Variants in FLT3LG observed in about 807,000 individuals in gnomAD.
The protein encoded by FLT3LG is fms related receptor tyrosine kinase 3 ligand.
Under a neutral mutation model 30.9 loss-of-function variants are expected in FLT3LG, and 8 were observed. The observed-to-expected ratio is 0.26, with a 90% CI of 0.15 to 0.47. FLT3LG has a LOEUF of 0.47. Among genes scored for constraint, FLT3LG ranks in the 20% least tolerant of loss-of-function variants. The probability of loss-of-function intolerance (pLI) is 0.99; values close to 1 mark genes in which losing one functional copy is unlikely to be tolerated. For synonymous variants in FLT3LG, 123 were observed against 135.9 expected, an observed-to-expected ratio of 0.91 and a Z score of 0.66; for missense variants, 278 against 306.2, an observed-to-expected ratio of 0.91 and a Z score of 0.69.
intron 8 of FLT3LG, 54 bp downstream of exon 8, chr19:49,480,674 G>A: frequency 6.5e-7 from 1 of 1,531,748 alleles, no homozygotes; most frequent in Non-Finnish European, 8.9e-7. Flanking sequence ...GGTTGGGAGG[G>A]TCACTAGGAG....
At chr19:49,485,524 G>A (rs964217588) in intron 8 of FLT3LG, among the ~76,000 whole-genome samples, 4 of 152,080 alleles carry the variant, frequency 2.6e-5, no homozygotes, top group African/African-American at 9.7e-5. Context: ...CGCCTCCCGG[G>A]TTCAAGCAAT....
rs185216186 is a variant in FLT3LG at position 49,479,866 on chromosome 19, G to A, written c.482-432G>A. 8.7e-3 allele frequency: 1,367 copies of A among 156,438 alleles called. 11 individuals are homozygous for A. The highest frequency in any genetic ancestry group is 0.014 in the Non-Finnish European group (1,005 of 71,200). The allele number at this position is 156,438 out of a possible 1,614,324, so 9.7% of individuals were successfully genotyped here. On this transcript the variant is annotated intron_variant, in intron 6 of 8. Transcript: ENST00000597551. Reference sequence around the variant, plus strand: ...GTCGCCCAGGCTGGAGTGCAGTGGCGCAATCTTGGCTCACTGCAACCTCCA... The same window carrying A: ...GTCGCCCAGGCTGGAGTGCAGTGGCACAATCTTGGCTCACTGCAACCTCCA...
chr19:49,474,937 T>G (rs1449444357), intron 2 of FLT3LG, among the ~76,000 whole-genome samples: 89 of 43,088 alleles, frequency 2.1e-3, no homozygotes, highest in African/African-American at 4.2e-3. Flanking sequence ...AGCGGGGAGA[T>G]GGACAGAGGA....
At chr19:49,482,123 G>A (rs2079635345) in intron 8 of FLT3LG, 2 of 150,864 alleles carry the variant, frequency 1.3e-5, no homozygotes, top group Admixed American at 1.3e-4. Flanking sequence ...TTTGACTTCA[G>A]GTTGTCTTTT....
chr19:49,485,239 CT>C (rs960350633), intron 8 of FLT3LG, among the ~76,000 whole-genome samples: 6 of 140,862 alleles, frequency 4.3e-5, no homozygotes, highest in South Asian at 2.2e-4. Flanking sequence ...GTTTCTTTTT[CT>C]TTTTTTTCTT....
At chr19:49,480,676 C>A in intron 8 of FLT3LG, 56 bp downstream of exon 8, 1 of 1,524,860 alleles carries the variant, frequency 6.6e-7, no homozygotes, top group Non-Finnish European at 8.9e-7. Flanking sequence ...TTGGGAGGGT[C>A]ACTAGGAGGC....
intron 1 of FLT3LG, 90 bp from the exon 2 acceptor site, chr19:49,474,513 G>T: frequency 1.1e-6 from 1 of 911,240 alleles, no homozygotes; most frequent in Non-Finnish European, 1.7e-6. Flanking sequence ...CCACATCAAT[G>T]GGACGCGGGA....
intron 2 of FLT3LG, among the ~76,000 whole-genome samples, chr19:49,475,417 A>AGGT (rs1360679008): frequency 1.6e-5 from 2 of 126,980 alleles, no homozygotes; most frequent in East Asian, 4.7e-4. Context: ...CGTGAAGATG[A>AGGT]GGTGGTTGGA....
At chr19:49,477,985 G>T (rs1193215733) in intron 5 of FLT3LG, among the ~76,000 whole-genome samples, 1 of 151,864 alleles carries the variant, frequency 6.6e-6, no homozygotes, top group Non-Finnish European at 1.5e-5. Context: ...AGAAGTTGCA[G>T]TAAGCCGAGA....
intron 5 of FLT3LG, among the ~76,000 whole-genome samples, chr19:49,477,243 C>A (rs1053018376): frequency 2.6e-5 from 4 of 152,006 alleles, no homozygotes; most frequent in African/African-American, 9.7e-5. Context: ...GAGTTCAAGA[C>A]CAGCCCGGGT....
intron 8 of FLT3LG, among the ~76,000 whole-genome samples, chr19:49,482,941 A>C (rs953473793): frequency 1.3e-5 from 2 of 151,548 alleles, no homozygotes; most frequent in African/African-American, 4.8e-5. Context: ...AGTTTTTAAA[A>C]AAGGAAAAAG....
chr19:49,475,634 A>G, intron 2 of FLT3LG, 57 bp from the exon 3 acceptor site: 1 of 1,568,144 alleles, frequency 6.4e-7, no homozygotes. Flanking sequence ...GGAAGCCCGG[A>G]GGAGGGGGCT....
intron 5 of FLT3LG, among the ~76,000 whole-genome samples, chr19:49,478,153 A>C (rs2079458787): frequency 7.6e-6 from 1 of 131,188 alleles, no homozygotes; most frequent in Non-Finnish European, 1.6e-5. Flanking sequence ...CGTTTCTACT[A>C]AAAAATATAA....
At chr19:49,483,267 G>A (rs915599515) in intron 8 of FLT3LG, among the ~76,000 whole-genome samples, 4 of 151,360 alleles carry the variant, frequency 2.6e-5, no homozygotes, top group African/African-American at 9.7e-5. Context: ...CTGGGATTAC[G>A]CCACCACACC....
intron 8 of FLT3LG, 65 bp downstream of exon 8, chr19:49,480,685 G>A (rs747919987): frequency 1.3e-6 from 2 of 1,502,916 alleles, no homozygotes; most frequent in Non-Finnish European, 1.8e-6. Flanking sequence ...TCACTAGGAG[G>A]CCATGGAAGG....
At chr19:49,483,023 T>C (rs1267371357) in intron 8 of FLT3LG, among the ~76,000 whole-genome samples, 1 of 152,236 alleles carries the variant, frequency 6.6e-6, no homozygotes, top group African/African-American at 2.4e-5. Context: ...TATTTCTCAA[T>C]GATTAATGAG....
chr19:49,476,772 G>A lies in FLT3LG; in HGVS notation c.342+206G>A, dbSNP rs953790772. 1.6e-6 allele frequency: 1 copy of A among 613,092 alleles called. No individual in the cohort carries two copies. 38.0% of individuals were successfully genotyped at this position (613,092 alleles called of 1,614,324 possible). ...TGGGGAGCAGTCTGGTCCCATTCTG[G>A]GGCCCCGGTTTCCTAGGCCATGATG... On this transcript the variant is annotated intron_variant, in intron 5 of 8. Transcript: ENST00000597551. The surrounding 1 kb of genome is among the most constrained non-coding windows in gnomAD (Gnocchi z 5.3).
In FLT3LG at chr19:49,476,483, AAG is replaced by A; in HGVS notation, c.261_262del (p.Lys87AsnfsTer219). 1 of 1,614,134 alleles carries A rather than the reference AAG, an allele frequency of 6.2e-7. No homozygotes were observed. The highest frequency in any genetic ancestry group is 1.6e-4 in the Middle Eastern group (1 of 6,062). The stretch of plus-strand genomic sequence containing the variant: ...GGCACAGCGCTGGATGGAGCGGCTC[AAG>A]ACTGTCGCTGGGTCCAAGATGCAAG... ...VLAQRWMERL[K>X]TVAGSKMQGL... On this transcript the variant is annotated frameshift_variant, in exon 5 of 9. Transcript: ENST00000597551. LOFTEE classifies it high-confidence loss of function. This position sits in a 1 kb window ranked among gnomAD's most constrained non-coding sequence, Gnocchi z 5.3.
At chr19:49,484,869 G>A (rs2079749393) in intron 8 of FLT3LG, among the ~76,000 whole-genome samples, 1 of 152,058 alleles carries the variant, frequency 6.6e-6, no homozygotes, top group South Asian at 2.1e-4. Flanking sequence ...CAGATCGCTT[G>A]AGCCTAAGAG....
Sources: gnomAD v4.1 joint callset for allele counts (sites outside exome capture counted in the v4.1 genomes callset) on GRCh38, gnomAD v4.1.1 for gene constraint, Gnocchi (gnomAD v3.1) non-coding constraint, MANE v1.5 for transcripts, NCBI Gene and HGNC (gene_info 2026-07-23, HGNC 2026-07-21) for gene names.